The following PEAK1 variants were observed in gnomAD, a reference collection of about 807,000 sequenced individuals.
PEAK1 encodes pseudopodium enriched atypical kinase 1, also known as inactive tyrosine-protein kinase PEAK1.
PEAK1 carries 54 observed loss-of-function variants against 124.7 expected under a neutral mutation model. That is an observed-to-expected ratio of 0.43 (90% CI 0.35 to 0.54). PEAK1 has a LOEUF of 0.54. PEAK1 is among the 20% of genes least tolerant of loss of function. The pLI, the probability that PEAK1 is intolerant of heterozygous loss-of-function variation, is 0.01. For synonymous variants in PEAK1, 719 were observed against 760.0 expected (o/e 0.95, Z 0.89); for missense variants, 2,046 against 2,134.5 (o/e 0.96, Z 0.82).
At chr15:77,268,917 C>T (rs747874203) in intron 5 of PEAK1, among the ~76,000 whole-genome samples, 2 of 152,048 alleles carry the variant, frequency 1.3e-5, no homozygotes, top group Non-Finnish European at 2.9e-5. Flanking sequence ...CAAAACTAGG[C>T]TTCATAAATG....
In PEAK1 at chr15:77,418,412, T is replaced by TC. The variant is rs888088186; in HGVS notation, c.-666+1593dup. 172 of 985,000 alleles carry TC rather than the reference T, an allele frequency of 1.7e-4. 1 individual carries two copies. In the South Asian group the frequency reaches 2.0e-3, roughly 12 times the overall value. 61.0% of individuals were successfully genotyped at this position (985,000 alleles called of 1,614,324 possible). ...AAAGACATGATAAAATATTTCCCTT[T>TC]CCCCCCCGACAGCAATGAAAAGGGG... On this transcript the variant is annotated intron_variant, in intron 1 of 9. Transcript: ENST00000682557.
At chr15:77,214,433 G>A (rs1332777161) in intron 6 of PEAK1, among the ~76,000 whole-genome samples, 24 of 151,368 alleles carry the variant, frequency 1.6e-4, no homozygotes, top group Non-Finnish European at 2.7e-4. Context: ...TGGCTAACCC[G>A]GTGAAACCTC....
chr15:77,362,448 A>G (rs2067954179), intron 2 of PEAK1, among the ~76,000 whole-genome samples: 1 of 152,220 alleles, frequency 6.6e-6, no homozygotes, highest in Non-Finnish European at 1.5e-5. Context: ...AAACCACCAT[A>G]TACCACTTCA....
chr15:77,247,485 C>CTTTTTTTTTTTTTTTTTTTTTT lies in PEAK1; in HGVS notation c.-115+4881_-115+4882insAAAAAAAAAAAAAAAAAAAAAA, dbSNP rs398028029. 3.3e-4 allele frequency among the ~76,000 whole-genome samples: 28 copies of CTTTTTTTTTTTTTTTTTTTTTT among 84,296 alleles called. 1 individual carries two copies. The highest frequency in any genetic ancestry group is 9.6e-4 in the South Asian group (2 of 2,090). The allele number at this position is 84,296 out of a possible 152,430, so 55.3% of individuals were successfully genotyped here. On this transcript the variant is annotated intron_variant, in intron 6 of 9. Coordinates refer to ENST00000682557, the MANE Select transcript of PEAK1 (RefSeq NM_001385026.1). ...TTTTTTCTCTTTTTTCTTTTCTTTTCTTTTTTTTTTTTTTTTTTTTTGAGA... is the reference window on the plus strand; with the variant it reads ...TTTTTTCTCTTTTTTCTTTTCTTTTCTTTTTTTTTTTTTTTTTTTTTTTTTTTTTTTTTTTTTTTTTTTGAGA...
chr15:77,150,559 A>T (rs531400675), intron 8 of PEAK1, among the ~76,000 whole-genome samples: 7 of 152,148 alleles, frequency 4.6e-5, no homozygotes, highest in East Asian at 3.9e-4. Context: ...ATGTGCACAA[A>T]GTGCAGGTTT....
rs762040359 is a variant in PEAK1, at chr15:77,115,257, ACT to A, written c.4138_4139del (p.Leu1381GlyfsTer5). 6.2e-7 allele frequency: 1 copy of A among 1,614,078 alleles called. No homozygotes were observed. Among genetic ancestry groups the A allele is most frequent in the Non-Finnish European group, 8.5e-7 (1 of 1,180,012 alleles). ...GCTGAATGTTAAAATGGACAGCCAG[ACT>A]CTGCCGGACAGCCAAGCTGTGATAA... is the stretch of plus-strand genomic sequence containing the variant. Reference protein sequence around the residue: ...QYYHSLAVRQSLAVHFNIQQD... With the variant: ...QYYHSLAVRQXLAVHFNIQQD... On this transcript the variant is annotated frameshift_variant, in exon 10 of 10. Transcript: ENST00000682557. LOFTEE classifies it high-confidence loss of function.
intron 7 of PEAK1, among the ~76,000 whole-genome samples, chr15:77,165,676 C>A (rs543437145): frequency 2.0e-5 from 3 of 152,048 alleles, no homozygotes; most frequent in African/African-American, 7.3e-5. Flanking sequence ...GCAGGCTGAC[C>A]GAGGAAATGG....
At chr15:77,189,927 C>A (rs922160911) in intron 6 of PEAK1, among the ~76,000 whole-genome samples, 2 of 151,918 alleles carry the variant, frequency 1.3e-5, no homozygotes, top group African/African-American at 4.8e-5. Flanking sequence ...TAAATAAGGG[C>A]AGAGCAAAAT....
chr15:77,217,257 G>A (rs1567127231), intron 6 of PEAK1, among the ~76,000 whole-genome samples: 1 of 149,416 alleles, frequency 6.7e-6, no homozygotes, highest in Non-Finnish European at 1.5e-5. Flanking sequence ...AGGGCAGGTT[G>A]TGGGGAGCAC....
chr15:77,206,276 G>A (rs1008302189), intron 6 of PEAK1, among the ~76,000 whole-genome samples: 1,742 of 146,298 alleles, frequency 0.012, 19 homozygotes, highest in Middle Eastern at 0.021. Context: ...GAATAATGCC[G>A]CAATAAACAT....
At chr15:77,285,748 C>A (rs1013014937) in intron 3 of PEAK1, among the ~76,000 whole-genome samples, 9 of 152,014 alleles carry the variant, frequency 5.9e-5, no homozygotes, top group African/African-American at 1.7e-4. Context: ...TGATTCTTCT[C>A]TCTTTTCTTC....
At chr15:77,394,827 CAGAGAT>C (rs1567347746) in intron 1 of PEAK1, among the ~76,000 whole-genome samples, 1 of 152,146 alleles carries the variant, frequency 6.6e-6, no homozygotes, top group Admixed American at 6.5e-5. Context: ...CCTGGAGAGA[CAGAGAT>C]AATGTGATAT....
In PEAK1 at chr15:77,313,640, A is replaced by ATGTG. The variant is rs1298114830; in HGVS notation, c.-602-27137_-602-27136insCACA. Among the ~76,000 whole-genome samples the ATGTG allele has an allele frequency of 3.2e-4, 25 of 78,532 alleles. 1 individual carries two copies. In the South Asian group the frequency reaches 7.3e-3, roughly 23 times the overall value. 51.5% of individuals were successfully genotyped at this position (78,532 alleles called of 152,430 possible). On this transcript the variant is annotated intron_variant, in intron 2 of 9. Coordinates refer to ENST00000682557, the MANE Select transcript of PEAK1 (RefSeq NM_001385026.1). The stretch of plus-strand genomic sequence containing the variant: ...CACCACCATGCCCAGTAATGTATGT[A>ATGTG]TGTATGTATGTATGTGTGTGTGTGT...
chr15:77,132,954 G>C (rs1163174138), intron 9 of PEAK1, 51 bp downstream of exon 9: 34 of 1,514,418 alleles, frequency 2.2e-5, no homozygotes, highest in Non-Finnish European at 3.0e-5. Context: ...ATCCATCCCA[G>C]TAACAATGTA....
intron 1 of PEAK1, chr15:77,402,251 C>G: frequency 2.0e-6 from 2 of 982,234 alleles, no homozygotes; most frequent in Non-Finnish European, 2.4e-6. Flanking sequence ...CAGAATGGAA[C>G]AGAAACAAGC....
chr15:77,416,217 T>G (rs1403475784), intron 1 of PEAK1, among the ~76,000 whole-genome samples: 1 of 152,196 alleles, frequency 6.6e-6, no homozygotes, highest in East Asian at 1.9e-4. Flanking sequence ...CTCTATTTCC[T>G]TTTTTCATCT....
intron 1 of PEAK1, among the ~76,000 whole-genome samples, chr15:77,408,106 C>T (rs1405875269): frequency 6.7e-6 from 1 of 148,462 alleles, no homozygotes; most frequent in East Asian, 2.0e-4. Flanking sequence ...CACATATATA[C>T]ATATATACAC....
chr15:77,135,760 T>A (rs928403699), intron 8 of PEAK1, among the ~76,000 whole-genome samples: 2 of 152,296 alleles, frequency 1.3e-5, no homozygotes, highest in African/African-American at 4.8e-5. Context: ...CTTTGCCTGC[T>A]GCCATCCACA....
At chr15:77,329,851 A>T (rs2065794755) in intron 2 of PEAK1, among the ~76,000 whole-genome samples, 1 of 152,180 alleles carries the variant, frequency 6.6e-6, no homozygotes, top group African/African-American at 2.4e-5. Flanking sequence ...CAAGAATGAC[A>T]GGGAAAATGC....
Sources: allele counts gnomAD v4.1 joint callset (sites outside exome capture counted in the v4.1 genomes callset), GRCh38; gene constraint gnomAD v4.1.1; transcripts MANE v1.5; gene names NCBI Gene and HGNC (gene_info 2026-07-23, HGNC 2026-07-21).